UGT3A2: variants seen among roughly 807,000 people sequenced by gnomAD.
UGT3A2 encodes UDP glycosyltransferase family 3 member A2, also known as UDP-glycosyltransferase 3A2.
In UGT3A2, 32 loss-of-function variants were observed where a neutral mutation model predicts 39.8. The observed-to-expected ratio is 0.80, with a 90% confidence interval of 0.61 to 1.08. UGT3A2 has a LOEUF of 1.08. Among genes scored for constraint, UGT3A2 ranks in the 50% least tolerant of loss-of-function variants. UGT3A2 has a pLI of 0.00. For missense variants in UGT3A2, 611 were observed against 637.1 expected (o/e 0.96, Z 0.44); for synonymous variants, 241 against 230.7 (o/e 1.04, Z -0.40).
chr5:36,064,421 C>T, intron 1 of UGT3A2, 71 bp from the exon 2 acceptor site: 1 of 1,332,226 alleles, frequency 7.5e-7, no homozygotes, highest in Admixed American at 1.8e-5. Flanking sequence ...GTGATCAATC[C>T]AGGAGAGGAA....
intron 2 of UGT3A2, among the ~76,000 whole-genome samples, chr5:36,055,456 A>G (rs1183913918): frequency 6.6e-6 from 1 of 151,792 alleles, no homozygotes; most frequent in East Asian, 1.9e-4. Context: ...GGTCTGAAAC[A>G]CCTGACCTCA....
Position 36,048,737 on chromosome 5 carries a change from G to A in UGT3A2, c.843+152C>T, listed in dbSNP as rs1742243335. ...CCTAACATTATACTTGCACAACACT[G>A]AAACTCATCACTTCCTTTAAAAGCA... On this transcript the variant is annotated intron_variant, in intron 4 of 6. Coordinates refer to ENST00000282507, the MANE Select transcript of UGT3A2 (RefSeq NM_174914.4). 5.2e-6 allele frequency: 6 copies of A among 1,154,726 alleles called. No homozygotes were observed. The South Asian group carries it at 9.8e-5, about 19-fold the overall frequency. 71.5% of individuals were successfully genotyped at this position (1,154,726 alleles called of 1,614,324 possible). A position where few individuals can be genotyped will look rare whatever the true frequency, so the allele number is the denominator to read the frequency against.
Position 36,035,914 on chromosome 5 carries a change from T to G in UGT3A2, c.1356A>C (p.Thr452=), listed in dbSNP as rs1231429614. ...GGTCAATCCAGCCCACCAGCCGCTG[T>G]GTGGGGCTGAGCGGGTGGGAGCGCA... The part of the protein sequence containing the change: ...VILRSHPLSP[T]QRLVGWIDHV... The change falls in exon 7 of 7, where the codon ACA becomes ACC. Residue 452 remains threonine, a synonymous_variant. Transcript: ENST00000282507. The G allele has an allele frequency of 1.2e-6, 2 of 1,614,054 alleles. No homozygotes were observed. Among genetic ancestry groups the G allele is most frequent in the Non-Finnish European group, 1.7e-6 (2 of 1,180,042 alleles).
At chr5:36,050,620 T>C (rs1359712861) in intron 3 of UGT3A2, among the ~76,000 whole-genome samples, 4 of 152,204 alleles carry the variant, frequency 2.6e-5, no homozygotes, top group Non-Finnish European at 4.4e-5. Flanking sequence ...CCCAGCACTT[T>C]GGAGGTCAAG....
rs749021510 is a variant in UGT3A2 at position 36,039,590 on chromosome 5, G to A, written c.962C>T (p.Ala321Val). 3 of 1,614,194 alleles carry A rather than the reference G, an allele frequency of 1.9e-6. No homozygotes were observed. Among genetic ancestry groups the A allele is most frequent in the South Asian group, 1.1e-5 (1 of 91,086 alleles). The change falls in exon 5 of 7, where the codon GCT (alanine) becomes GTT (valine). Residue 321 changes from alanine to valine, a missense_variant. Ala to Val is a moderately conservative substitution (Grantham distance 64). Coordinates refer to ENST00000282507, the MANE Select transcript of UGT3A2 (RefSeq NM_174914.4). ...CCATATCACCCCTTGGGGTAGGTGAGCAAAGGCATTGTTCATCTCCTTGAA... is the reference window on the plus strand; with the variant it reads ...CCATATCACCCCTTGGGGTAGGTGAACAAAGGCATTGTTCATCTCCTTGAA... Reference protein sequence around the residue: ...EIFKEMNNAFAHLPQGVIWKC... With the variant: ...EIFKEMNNAFVHLPQGVIWKC...
chr5:36,061,074 A>C (rs1187086580), intron 2 of UGT3A2, among the ~76,000 whole-genome samples: 4 of 152,182 alleles, frequency 2.6e-5, no homozygotes, highest in Non-Finnish European at 5.9e-5. Flanking sequence ...TGGTAGGCTA[A>C]GGTACCAGAA....
Position 36,049,376 on chromosome 5 carries a change from A to G in UGT3A2, c.356T>C (p.Leu119Ser), listed in dbSNP as rs747779019. ...NLLNVLEYLA[L>S]QCSHFLNRKD... is the part of the protein sequence containing the mutation. Reference sequence around the variant, plus strand: ...TCTATTTAAAAAATGACTGCACTGCAACGCCAAGTATTCTAGAACATTTAA... The same window carrying G: ...TCTATTTAAAAAATGACTGCACTGCGACGCCAAGTATTCTAGAACATTTAA... The change falls in exon 4 of 7, where the codon TTG (leucine) becomes TCG (serine). Residue 119 changes from leucine to serine, a missense_variant. Coordinates refer to ENST00000282507, the MANE Select transcript of UGT3A2 (RefSeq NM_174914.4). The G allele has an allele frequency of 3.1e-6, 5 of 1,598,938 alleles. No homozygotes were observed. Among genetic ancestry groups the G allele is most frequent in the Non-Finnish European group, 4.3e-6 (5 of 1,175,114 alleles).
intron 4 of UGT3A2, among the ~76,000 whole-genome samples, chr5:36,043,112 G>A (rs1742062504): frequency 6.6e-6 from 1 of 151,958 alleles, no homozygotes; most frequent in African/African-American, 2.4e-5. Context: ...CCATGTTTAA[G>A]TATAGACCAT....
intron 2 of UGT3A2, among the ~76,000 whole-genome samples, chr5:36,052,800 TG>T (rs1458594271): frequency 1.3e-5 from 2 of 152,220 alleles, no homozygotes; most frequent in African/African-American, 4.8e-5. Context: ...TCTTAATGCA[TG>T]TGTGCCTTCA....
chr5:36,044,145 CA>C (rs1742094809), intron 4 of UGT3A2, among the ~76,000 whole-genome samples: 1 of 152,000 alleles, frequency 6.6e-6, no homozygotes, highest in Admixed American at 6.6e-5. Flanking sequence ...TCATCATGAG[CA>C]AGTGGGATTT....
At chr5:36,057,629 G>A (rs961010314) in intron 2 of UGT3A2, among the ~76,000 whole-genome samples, 1 of 151,556 alleles carries the variant, frequency 6.6e-6, no homozygotes, top group Non-Finnish European at 1.5e-5. Flanking sequence ...TCAGCCTCCA[G>A]GGCTCACACA....
intron 4 of UGT3A2, among the ~76,000 whole-genome samples, chr5:36,048,288 G>A (rs1215404651): frequency 1.3e-5 from 2 of 152,192 alleles, no homozygotes; most frequent in Non-Finnish European, 2.9e-5. Context: ...GTTCTGAGTT[G>A]TGAAATTGCG....
intron 4 of UGT3A2, among the ~76,000 whole-genome samples, chr5:36,047,973 C>T (rs1261591752): frequency 6.6e-6 from 1 of 152,180 alleles, no homozygotes. Flanking sequence ...ATGCAAAGCC[C>T]ATATCACCCA....
chr5:36,066,795 C>T lies in UGT3A2; in HGVS notation c.-6G>A. ...AGCACTCGCTGCCCAGCCATGCTCA[C>T]TTCTACGGAAGCCGCGGATCTCAGC... On this transcript the variant is annotated 5_prime_UTR_variant, in exon 1 of 7. In the 5' UTR this introduces an upstream ATG that the reference lacks. Transcript: ENST00000282507. 6.2e-7 allele frequency: 1 copy of T among 1,614,218 alleles called. No homozygotes were observed. Among genetic ancestry groups the T allele is most frequent in the Non-Finnish European group, 8.5e-7 (1 of 1,180,024 alleles).
chr5:36,043,430 G>A (rs1742072859), intron 4 of UGT3A2, among the ~76,000 whole-genome samples: 2 of 151,996 alleles, frequency 1.3e-5, no homozygotes, highest in South Asian at 2.1e-4. Flanking sequence ...TCAAAAGAGT[G>A]AGACTTCATA....
rs1741790164 is a variant in UGT3A2, at chr5:36,035,551, G to A, written c.*147C>T. ...TGTAGCAAAATTAGCAAGTGGAAAG[G>A]ATGATTTTTGGCCATTTTTCCTGTT... On this transcript the variant is annotated 3_prime_UTR_variant, in exon 7 of 7. Transcript: ENST00000282507. The A allele has an allele frequency of 8.4e-7, 1 of 1,188,198 alleles. No individual in the cohort carries two copies. Among genetic ancestry groups the A allele is most frequent in the East Asian group, 2.6e-5 (1 of 39,012 alleles). The allele number at this position is 1,188,198 out of a possible 1,614,324, so 73.6% of individuals were successfully genotyped here. A position where few individuals can be genotyped will look rare whatever the true frequency, so the allele number is the denominator to read the frequency against.
intron 2 of UGT3A2, among the ~76,000 whole-genome samples, chr5:36,053,399 C>A (rs1742409531): frequency 6.6e-6 from 1 of 152,148 alleles, no homozygotes; most frequent in African/African-American, 2.4e-5. Context: ...ACTTTAAAGA[C>A]AACATATTCC....
chr5:36,055,289 A>G (rs906834546), intron 2 of UGT3A2, among the ~76,000 whole-genome samples: 1 of 151,424 alleles, frequency 6.6e-6, no homozygotes, highest in African/African-American at 2.4e-5. Flanking sequence ...GCTGGAGTGC[A>G]TGGCACAATC....
chr5:36,063,836 A>G (rs1742793853), intron 2 of UGT3A2, among the ~76,000 whole-genome samples: 2 of 152,054 alleles, frequency 1.3e-5, no homozygotes, highest in Admixed American at 1.3e-4. Context: ...GAGTGTCCCT[A>G]TGTTGCTCAG....
Sources: gnomAD v4.1 joint callset for allele counts (sites outside exome capture counted in the v4.1 genomes callset) on GRCh38, gnomAD v4.1.1 for gene constraint, MANE v1.5 for transcripts, NCBI Gene and HGNC (gene_info 2026-07-23, HGNC 2026-07-21) for gene names.